PDE7B: variants seen among roughly 807,000 people sequenced by gnomAD.
The protein encoded by PDE7B is 3',5'-cyclic-AMP phosphodiesterase 7B.
A neutral mutation model predicts 56.2 loss-of-function variants in PDE7B; 29 were observed. The observed-to-expected ratio is 0.52, with a 90% CI of 0.38 to 0.70. PDE7B has a LOEUF of 0.70. PDE7B is among the 30% of genes least tolerant of loss of function. The pLI is 0.00. For synonymous variants in PDE7B, 197 were observed against 196.9 expected, an observed-to-expected ratio of 1.00 and a Z score of 0.00; for missense variants, 490 against 565.0, an observed-to-expected ratio of 0.87 and a Z score of 1.35.
intron 2 of PDE7B, among the ~76,000 whole-genome samples, chr6:136,014,093 C>A (rs905881062): frequency 1.3e-5 from 2 of 152,276 alleles, no homozygotes; most frequent in South Asian, 2.1e-4. Flanking sequence ...TTAAAAGCCC[C>A]ATTTAAATTT....
intron 1 of PDE7B, among the ~76,000 whole-genome samples, chr6:135,909,420 G>A (rs1776172387): frequency 6.6e-6 from 1 of 152,116 alleles, no homozygotes; most frequent in South Asian, 2.1e-4. Flanking sequence ...TTTGAGACCA[G>A]CCTGGCCAAT....
At position 135,974,983 on chromosome 6, in the gene PDE7B, G is replaced by A. The variant is rs1775157815; in HGVS notation, c.82+27459G>A. ...CAGGAGCCAAAAGGGTGAGGTGCAA[G>A]AGTGAGTGAAGCCAACTGGGTTCAA... On this transcript the variant is annotated intron_variant, in intron 2 of 12. Transcript: ENST00000308191. Among the ~76,000 whole-genome samples the A allele has an allele frequency of 3.3e-5, 5 of 152,054 alleles. No individual in the cohort carries two copies. The South Asian group carries it at 1.0e-3, about 32-fold the overall frequency.
At chr6:135,983,797 C>A (rs771152033) in intron 2 of PDE7B, among the ~76,000 whole-genome samples, 6 of 152,164 alleles carry the variant, frequency 3.9e-5, no homozygotes, top group Non-Finnish European at 7.4e-5. Flanking sequence ...ACCCAGAATC[C>A]ATTTGAAAAT....
intron 2 of PDE7B, among the ~76,000 whole-genome samples, chr6:135,995,997 G>C (rs759158569): frequency 6.6e-6 from 1 of 152,080 alleles, no homozygotes; most frequent in Non-Finnish European, 1.5e-5. Context: ...GAAGGAGAGA[G>C]AGTTGGTGCT....
At chr6:135,869,381 C>T (rs939190861) in intron 1 of PDE7B, among the ~76,000 whole-genome samples, 10 of 152,068 alleles carry the variant, frequency 6.6e-5, no homozygotes, top group African/African-American at 1.7e-4. Context: ...CAGAAAATCT[C>T]TAATATATGG....
rs1208045209 is a variant in PDE7B, at chr6:135,941,502, TAG to T, written c.22-5961_22-5960del. Among the ~76,000 whole-genome samples the T allele has an allele frequency of 2.0e-5, 3 of 152,368 alleles. No homozygotes were observed. In the East Asian group the frequency reaches 5.8e-4, roughly 29 times the overall value. ...AAGTCAACAACTCAGTGATGCTTCC[TAG>T]TTTTCCACTTTCCCAATTGTGGCCC... is the stretch of plus-strand genomic sequence containing the variant. On this transcript the variant is annotated intron_variant, in intron 1 of 12. Coordinates refer to ENST00000308191, the MANE Select transcript of PDE7B (RefSeq NM_018945.4).
intron 2 of PDE7B, among the ~76,000 whole-genome samples, chr6:135,965,721 A>T (rs561631946): frequency 4.6e-4 from 70 of 152,280 alleles, no homozygotes; most frequent in African/African-American, 1.6e-3. Context: ...GGTCCCTCCC[A>T]TGACACATGG....
intron 3 of PDE7B, 82 bp from the exon 4 acceptor site, chr6:136,147,269 T>G (rs751264396): frequency 3.6e-5 from 30 of 841,668 alleles, no homozygotes; most frequent in Non-Finnish European, 5.4e-5. Context: ...TTCTCTTCTT[T>G]TAATGCATTT....
At chr6:136,061,400 CAA>C (rs1359693467) in intron 2 of PDE7B, among the ~76,000 whole-genome samples, 1 of 152,096 alleles carries the variant, frequency 6.6e-6, no homozygotes, top group African/African-American at 2.4e-5. Flanking sequence ...AGAAAAGAAT[CAA>C]AGAAATTTGG....
chr6:135,970,998 C>T (rs1444097921), intron 2 of PDE7B, among the ~76,000 whole-genome samples: 2 of 152,218 alleles, frequency 1.3e-5, no homozygotes, highest in African/African-American at 4.8e-5. Flanking sequence ...GATGGCATGG[C>T]AGCAGAGCAG....
intron 3 of PDE7B, among the ~76,000 whole-genome samples, chr6:136,116,283 G>A (rs1177017301): frequency 1.3e-5 from 2 of 152,166 alleles, no homozygotes; most frequent in Non-Finnish European, 2.9e-5. Context: ...CCAAAAAGTA[G>A]CAAATAAAGT....
In PDE7B at chr6:136,154,118, T is replaced by C; in HGVS notation, c.522T>C (p.Asn174=). The C allele has an allele frequency of 5.0e-6, 8 of 1,613,942 alleles. No individual in the cohort carries two copies. Among genetic ancestry groups the C allele is most frequent in the Non-Finnish European group, 6.8e-6 (8 of 1,179,924 alleles). ...ACCACAGCCAAAACCCGTATCACAA[T>C]GCTGTTCACGCAGCCGACGTCACCC... is the stretch of plus-strand genomic sequence containing the variant. The part of the protein sequence containing the change: ...EDYHSQNPYH[N]AVHAADVTQA... Residue 174 remains asparagine (N), a synonymous_variant, in exon 7 of 13, where the codon AAT becomes AAC. Coordinates refer to ENST00000308191, the MANE Select transcript of PDE7B (RefSeq NM_018945.4).
intron 2 of PDE7B, among the ~76,000 whole-genome samples, chr6:136,054,594 A>T: frequency 6.6e-6 from 1 of 152,200 alleles, no homozygotes; most frequent in Non-Finnish European, 1.5e-5. Flanking sequence ...CTGTGAAGAA[A>T]GTCATTGGTA....
intron 2 of PDE7B, among the ~76,000 whole-genome samples, chr6:136,003,729 T>G (rs1206179589): frequency 3.4e-5 from 5 of 147,732 alleles, no homozygotes; most frequent in East Asian, 2.1e-4. Flanking sequence ...CAACAAAAAA[T>G]AGTCCAGGAC....
chr6:136,051,385 C>T (rs920090072), intron 2 of PDE7B, among the ~76,000 whole-genome samples: 1 of 152,208 alleles, frequency 6.6e-6, no homozygotes, highest in East Asian at 1.9e-4. Context: ...CGAGCATCCG[C>T]GAGTTCTTGA....
rs561526357 is a variant in PDE7B, at chr6:136,172,297, CTGT to C, written c.712-1495_712-1493del. On this transcript the variant is annotated intron_variant, in intron 8 of 12. Transcript: ENST00000308191. ...TATTTCTCCACACCCTCTCCAGCAC[CTGT>C]TGTTTCCTGACTTTTTAATGATTGC... Among the ~76,000 whole-genome samples, 391 of 152,284 alleles carry C rather than the reference CTGT, an allele frequency of 2.6e-3. 1 individual carries two copies. The highest frequency in any genetic ancestry group is 8.4e-3 in the African/African-American group (350 of 41,568).
At chr6:135,891,623 T>C (rs1775811707) in intron 1 of PDE7B, among the ~76,000 whole-genome samples, 1 of 152,210 alleles carries the variant, frequency 6.6e-6, no homozygotes. Context: ...TGTTTCAAAA[T>C]GTGCATTCTC....
chr6:135,862,307 C>G (rs758582588), intron 1 of PDE7B, among the ~76,000 whole-genome samples: 6 of 151,590 alleles, frequency 4.0e-5, no homozygotes, highest in Non-Finnish European at 5.9e-5. Context: ...TGACTTTTCC[C>G]TTTTATTCTG....
At chr6:135,879,792 T>A (rs1290211760) in intron 1 of PDE7B, among the ~76,000 whole-genome samples, 1 of 152,092 alleles carries the variant, frequency 6.6e-6, no homozygotes, top group Non-Finnish European at 1.5e-5. Flanking sequence ...AGGAAAAGGG[T>A]CCTCAGTGCC....
Sources: allele counts gnomAD v4.1 joint callset (sites outside exome capture counted in the v4.1 genomes callset), GRCh38; gene constraint gnomAD v4.1.1; transcripts MANE v1.5; gene names NCBI Gene and HGNC (gene_info 2026-07-23, HGNC 2026-07-21).